The following TSPAN15 variants were observed in gnomAD, a reference collection of about 807,000 sequenced individuals.
TSPAN15 encodes tetraspanin 15, also known as tetraspanin-15.
A neutral mutation model predicts 34.5 loss-of-function variants in TSPAN15; 20 were observed. That is an observed-to-expected ratio of 0.58 (90% CI 0.41 to 0.84). The LOEUF (loss-of-function observed/expected upper bound fraction) is 0.84. TSPAN15 is among the 40% of genes least tolerant of loss of function. The pLI, the probability that TSPAN15 is intolerant of heterozygous loss-of-function variation, is 0.00. For synonymous variants in TSPAN15, 155 were observed against 153.9 expected (o/e 1.01, Z -0.05); for missense variants, 313 against 386.1 (o/e 0.81, Z 1.59).
intron 1 of TSPAN15, among the ~76,000 whole-genome samples, chr10:69,455,207 C>T (rs1841060444): frequency 1.3e-5 from 2 of 151,896 alleles, no homozygotes; most frequent in South Asian, 2.1e-4. Context: ...CCCCTCCTAC[C>T]CCTCTCTCCT....
chr10:69,470,236 C>T (rs74139147), intron 1 of TSPAN15, among the ~76,000 whole-genome samples: 72 of 152,214 alleles, frequency 4.7e-4, no homozygotes, highest in African/African-American at 1.5e-3. Flanking sequence ...GGGTGTGCAG[C>T]GGGAGGTATG....
the TSPAN15 span, among the ~76,000 whole-genome samples, chr10:69,513,668 A>G: frequency 2.6e-5 from 4 of 152,144 alleles, no homozygotes; most frequent in Non-Finnish European, 5.9e-5. Flanking sequence ...TTTCTCCTAC[A>G]TTTTCTTTTA....
chr10:69,480,446 G>A (rs1841709454), intron 1 of TSPAN15, among the ~76,000 whole-genome samples: 1 of 152,120 alleles, frequency 6.6e-6, no homozygotes, highest in African/African-American at 2.4e-5. Context: ...TGAGAATTAC[G>A]CTTTTCATCA....
rs1283526679 is a variant in TSPAN15, at chr10:69,506,115, C to T, written c.619-9C>T. On this transcript the variant is annotated splice_polypyrimidine_tract_variant and intron_variant, in intron 6 of 7. Coordinates refer to ENST00000373290, the MANE Select transcript of TSPAN15 (RefSeq NM_012339.5). The surrounding 1 kb of genome is among the most constrained non-coding windows in gnomAD (Gnocchi z 4.7). Reference sequence around the variant, plus strand: ...CTCTGCTGGGCTGACCCAGCTCCTTCCCATGCAGCGTTTCAGTGTGCAGGA... The same window carrying T: ...CTCTGCTGGGCTGACCCAGCTCCTTTCCATGCAGCGTTTCAGTGTGCAGGA... The T allele has an allele frequency of 1.2e-6, 2 of 1,612,766 alleles. No homozygotes were observed. Among genetic ancestry groups the T allele is most frequent in the Admixed American group, 3.3e-5 (2 of 59,956 alleles).
At chr10:69,497,569 A>C (rs1179951367) in intron 4 of TSPAN15, among the ~76,000 whole-genome samples, 2 of 151,366 alleles carry the variant, frequency 1.3e-5, no homozygotes, top group African/African-American at 4.9e-5. Flanking sequence ...CTATTTCTCC[A>C]TTTCCAGGTT....
intron 3 of TSPAN15, among the ~76,000 whole-genome samples, chr10:69,489,446 T>A (rs1345340529): frequency 3.3e-5 from 5 of 152,190 alleles, no homozygotes. Context: ...GATTAAGAGA[T>A]TAAAGTAAGA....
intron 1 of TSPAN15, among the ~76,000 whole-genome samples, chr10:69,464,441 G>A (rs1422424915): frequency 2.6e-5 from 4 of 152,214 alleles, no homozygotes; most frequent in Non-Finnish European, 5.9e-5. Flanking sequence ...CTTCTGTCCC[G>A]TCCTCAGGCC....
At chr10:69,533,969 A>G in the TSPAN15 span, among the ~76,000 whole-genome samples, 1 of 152,202 alleles carries the variant, frequency 6.6e-6, no homozygotes, top group African/African-American at 2.4e-5. Flanking sequence ...TCTTTATTAG[A>G]TGTGGCATGG....
the TSPAN15 span, among the ~76,000 whole-genome samples, chr10:69,539,473 A>AAGAAGAAGAAGGAGAAGG: frequency 1.6e-5 from 1 of 61,670 alleles, no homozygotes; most frequent in African/African-American, 5.9e-5. Flanking sequence ...GGAGAAGGAG[A>AAGAAGAAGAAGGAGAAGG]AGGAGAAGGA....
chr10:69,487,226 C>T (rs1265342564), intron 3 of TSPAN15, among the ~76,000 whole-genome samples: 27 of 152,220 alleles, frequency 1.8e-4, no homozygotes, highest in Non-Finnish European at 1.2e-4. Context: ...GACAGTCAGA[C>T]TGAAGTGGCT....
At chr10:69,454,504 A>G (rs976013981) in intron 1 of TSPAN15, among the ~76,000 whole-genome samples, 2 of 148,956 alleles carry the variant, frequency 1.3e-5, no homozygotes, top group Non-Finnish European at 3.0e-5. Flanking sequence ...GTGACAGTGT[A>G]AGACTCGGTT....
intron 1 of TSPAN15, among the ~76,000 whole-genome samples, chr10:69,453,147 G>C (rs553135517): frequency 1.1e-4 from 17 of 152,130 alleles, no homozygotes; most frequent in African/African-American, 3.9e-4. Flanking sequence ...AGTATGTTTG[G>C]GGGGCGGAGG....
chr10:69,474,964 T>C (rs143533011), intron 1 of TSPAN15, among the ~76,000 whole-genome samples: 2,864 of 152,014 alleles, frequency 0.019, 106 homozygotes, highest in African/African-American at 0.066. Flanking sequence ...TGGCCGGAGG[T>C]CCACCCAGGG....
At chr10:69,539,563 G>GAAGAAGA in the TSPAN15 span, among the ~76,000 whole-genome samples, 104 of 101,486 alleles carry the variant, frequency 1.0e-3, 11 homozygotes, top group African/African-American at 3.3e-3. Flanking sequence ...GAAGGAGAAG[G>GAAGAAGA]AGAAGAAGAC....
rs1842351472 is a variant in TSPAN15 at position 69,507,242 on chromosome 10, G to C, written c.*264G>C. ...GGGGAACAAGGCCCTCCTTTCTCCA[G>C]GCCTGGGCTACGGGGGAGGGAGAGC... On this transcript the variant is annotated 3_prime_UTR_variant, in exon 8 of 8. Coordinates refer to ENST00000373290, the MANE Select transcript of TSPAN15 (RefSeq NM_012339.5). 1 of 1,380,864 alleles carries C rather than the reference G, an allele frequency of 7.2e-7. No homozygotes were observed. Among genetic ancestry groups the C allele is most frequent in the South Asian group, 1.6e-5 (1 of 63,478 alleles). The allele number at this position is 1,380,864 out of a possible 1,614,324, so 85.5% of individuals were successfully genotyped here. A position where few individuals can be genotyped will look rare whatever the true frequency, so the allele number is the denominator to read the frequency against.
downstream of TSPAN15, among the ~76,000 whole-genome samples, chr10:69,510,123 A>G (rs1378037446): frequency 1.3e-5 from 2 of 152,202 alleles, no homozygotes; most frequent in Non-Finnish European, 2.9e-5. Context: ...AAGAAAGTCA[A>G]TGGTAGCTTG....
intron 2 of TSPAN15, 126 bp downstream of exon 2, chr10:69,484,002 A>G: frequency 9.9e-7 from 1 of 1,013,272 alleles, no homozygotes; most frequent in Non-Finnish European, 1.4e-6. Context: ...AGAGCTCCTT[A>G]GATCAGCCCA....
intron 1 of TSPAN15, among the ~76,000 whole-genome samples, chr10:69,458,653 G>T (rs1210895729): frequency 6.6e-6 from 1 of 152,106 alleles, no homozygotes; most frequent in Non-Finnish European, 1.5e-5. Context: ...CAGGCCTCGG[G>T]CACAGAGAGG....
At chr10:69,466,264 C>T (rs1405275101) in intron 1 of TSPAN15, among the ~76,000 whole-genome samples, 1 of 152,074 alleles carries the variant, frequency 6.6e-6, no homozygotes, top group Non-Finnish European at 1.5e-5. Flanking sequence ...AGCTGGGAGA[C>T]CCGGGTCGCA....
Sources: gnomAD v4.1 joint callset for allele counts (sites outside exome capture counted in the v4.1 genomes callset) on GRCh38, gnomAD v4.1.1 for gene constraint, Gnocchi (gnomAD v3.1) non-coding constraint, MANE v1.5 for transcripts, NCBI Gene and HGNC (gene_info 2026-07-23, HGNC 2026-07-21) for gene names.